The following ZBTB21 variants were observed in gnomAD, a reference collection of about 807,000 sequenced individuals.
ZBTB21 encodes the protein zinc finger and BTB domain-containing protein 21.
ZBTB21 carries 10 observed loss-of-function variants against 39.8 expected under a neutral mutation model. The ratio of observed to expected loss-of-function variants is 0.25; its 90% CI spans 0.16 to 0.43. The LOEUF (loss-of-function observed/expected upper bound fraction) is 0.43. ZBTB21 is among the 20% of genes least tolerant of loss of function. The pLI, the probability that ZBTB21 is intolerant of heterozygous loss-of-function variation, is 1.00. For missense variants in ZBTB21, 1,221 were observed against 1,296.3 expected, an observed-to-expected ratio of 0.94 and a Z score of 0.89; for synonymous variants, 551 against 498.8, an observed-to-expected ratio of 1.10 and a Z score of -1.40.
chr21:41,993,585 T>C lies in ZBTB21; in HGVS notation c.511A>G (p.Ser171Gly). Reference sequence around the variant, plus strand: ...CTAGGAGAGGGCCGGGAAGTATGGCTTACATCGGGTTGATTTTGACTAACA... The same window carrying C: ...CTAGGAGAGGGCCGGGAAGTATGGCCTACATCGGGTTGATTTTGACTAACA... ...KTVSQNQPDV[S>G]HTSRPSPSIA... Residue 171 changes from serine (S) to glycine (G), a missense_variant, in exon 3 of 3, where the codon AGC becomes GGC. This residue lies in a region of ZBTB21 where 500 missense variants were observed against 465.6 expected (regional missense o/e 1.07). Coordinates refer to ENST00000310826, the MANE Select transcript of ZBTB21 (RefSeq NM_001098402.2). 6.2e-7 allele frequency: 1 copy of C among 1,614,262 alleles called. No individual in the cohort carries two copies. Among genetic ancestry groups the C allele is most frequent in the South Asian group, 1.1e-5 (1 of 91,088 alleles).
rs576702708 is a variant in ZBTB21, at chr21:41,993,515, G to A, written c.581C>T (p.Pro194Leu). The change falls in exon 3 of 3, where the codon CCA (proline) becomes CTA (leucine). Residue 194 changes from proline (P) to leucine (L), a missense_variant. Around this residue, in one of 4 missense-constraint regions of ZBTB21, gnomAD observed 500 missense variants for 465.6 expected, o/e 1.07. Transcript: ENST00000310826. ...ANTNKPHVPK[P>L]IEPLHNLSLT... ...TGACAAATTATGAAGTGGTTCTATT[G>A]GTTTTGGGACATGTGGCTTATTGGT... 1.2e-6 allele frequency: 2 copies of A among 1,614,202 alleles called. No individual in the cohort carries two copies. The highest frequency in any genetic ancestry group is 2.2e-5 in the East Asian group (1 of 44,886).
At chr21:42,001,500 G>C (rs770822578) in intron 2 of ZBTB21, among the ~76,000 whole-genome samples, 6 of 152,222 alleles carry the variant, frequency 3.9e-5, no homozygotes, top group Non-Finnish European at 7.3e-5. Flanking sequence ...CCAGTATGCT[G>C]AGCAGCAGAC....
At chr21:41,994,537 T>A (rs1005860323) in intron 2 of ZBTB21, among the ~76,000 whole-genome samples, 1 of 152,234 alleles carries the variant, frequency 6.6e-6, no homozygotes, top group African/African-American at 2.4e-5. Flanking sequence ...GCTTTATTAC[T>A]ACATATACTT....
At position 41,993,564 on chromosome 21, in the gene ZBTB21, G is replaced by C. The variant is rs145945008; in HGVS notation, c.532C>G (p.Pro178Ala). 6.2e-7 allele frequency: 1 copy of C among 1,614,138 alleles called. No homozygotes were observed. Among genetic ancestry groups the C allele is most frequent in the South Asian group, 1.1e-5 (1 of 91,094 alleles). ...GTATTGGCCTTGACTGCAATGCTAG[G>C]AGAGGGCCGGGAAGTATGGCTTACA... Reference protein sequence around the residue: ...PDVSHTSRPSPSIAVKANTNK... With the variant: ...PDVSHTSRPSASIAVKANTNK... Residue 178 changes from proline (P) to alanine (A), a missense_variant, in exon 3 of 3, where the codon CCT (proline) becomes GCT (alanine). Pro to Ala is a conservative substitution (Grantham distance 27). Coordinates refer to ENST00000310826, the MANE Select transcript of ZBTB21 (RefSeq NM_001098402.2).
rs1306711215 is a variant in ZBTB21 at position 41,988,188 on chromosome 21, T to C, written c.*2707A>G. ...TGAGTGATAAAAACATGTTTTATGT[T>C]ACTCCTTCCTTCTCCCACATAAACG... On this transcript the variant is annotated 3_prime_UTR_variant, in exon 3 of 3. Coordinates refer to ENST00000310826, the MANE Select transcript of ZBTB21 (RefSeq NM_001098402.2). The C allele has an allele frequency of 1.8e-5, 2 of 112,512 alleles. No homozygotes were observed. The highest frequency in any genetic ancestry group is 1.9e-4 in the Admixed American group (2 of 10,756). 7.0% of individuals were successfully genotyped at this position (112,512 alleles called of 1,614,324 possible).
At chr21:41,997,890 T>C (rs1443908494) in intron 2 of ZBTB21, among the ~76,000 whole-genome samples, 4 of 152,054 alleles carry the variant, frequency 2.6e-5, no homozygotes, top group Non-Finnish European at 5.9e-5. Flanking sequence ...CTGATTGTCC[T>C]TGGGTGTTTC....
rs2065635346 is a variant in ZBTB21, at chr21:41,990,520, A to G, written c.*375T>C. ...AGATTTAACTAGAACTCAAGTGTCTAAAATAATTAAAAGAAGGAATACTTC... is the reference window on the plus strand; with the variant it reads ...AGATTTAACTAGAACTCAAGTGTCTGAAATAATTAAAAGAAGGAATACTTC... On this transcript the variant is annotated 3_prime_UTR_variant, in exon 3 of 3. Transcript: ENST00000310826. 6.4e-6 allele frequency: 1 copy of G among 155,738 alleles called. No individual in the cohort carries two copies. The highest frequency in any genetic ancestry group is 6.5e-5 in the Admixed American group (1 of 15,386). 9.6% of individuals were successfully genotyped at this position (155,738 alleles called of 1,614,324 possible).
intron 1 of ZBTB21, 62 bp downstream of exon 1, chr21:42,010,190 G>A: frequency 2.5e-6 from 1 of 394,906 alleles, no homozygotes; most frequent in Non-Finnish European, 4.5e-6. Flanking sequence ...TTTGCGGGGA[G>A]GCTGTAGCCT....
rs2065614688 is a variant in ZBTB21, at chr21:41,988,959, G to A, written c.*1936C>T. The A allele has an allele frequency of 6.6e-6, 1 of 152,070 alleles. No individual in the cohort carries two copies. The highest frequency in any genetic ancestry group is 1.5e-5 in the Non-Finnish European group (1 of 67,974). 9.4% of individuals were successfully genotyped at this position (152,070 alleles called of 1,614,324 possible). A position where few individuals can be genotyped will look rare whatever the true frequency, so the allele number is the denominator to read the frequency against. On this transcript the variant is annotated 3_prime_UTR_variant, in exon 3 of 3. Transcript: ENST00000310826. ...CTTCTTTTGAAGTGACAGCTACCAAGATGGACAGAGTAAGAAATACCACAT... is the reference window on the plus strand; with the variant it reads ...CTTCTTTTGAAGTGACAGCTACCAAAATGGACAGAGTAAGAAATACCACAT...
rs149105364 is a variant in ZBTB21 at position 41,993,721 on chromosome 21, G to C, written c.375C>G (p.Pro125=). ...TNIVSKTPQA[P]FPTCPNRKKV... The stretch of plus-strand genomic sequence containing the variant: ...TTTTTCTATTAGGACACGTTGGAAA[G>C]GGGGCTTGAGGTGTTTTAGAAACGA... Residue 125 remains proline (P), a synonymous_variant, in exon 3 of 3, where the codon CCC becomes CCG. Transcript: ENST00000310826. The C allele has an allele frequency of 3.1e-6, 5 of 1,613,918 alleles. No homozygotes were observed. Among genetic ancestry groups the C allele is most frequent in the African/African-American group, 1.3e-5 (1 of 74,908 alleles).
At chr21:41,996,335 C>T (rs987983474) in intron 2 of ZBTB21, among the ~76,000 whole-genome samples, 2 of 152,226 alleles carry the variant, frequency 1.3e-5, no homozygotes, top group African/African-American at 4.8e-5. Context: ...CATGGGAGCC[C>T]ACCTCTTATA....
Position 41,993,336 on chromosome 21 carries a change from C to A in ZBTB21, c.760G>T (p.Asp254Tyr), listed in dbSNP as rs2065697554. Reference sequence around the variant, plus strand: ...AGCTGACCACTCACACCTGGTTTATCATCCATAGCTTCTCTGTCTTGCAGA... The same window carrying A: ...AGCTGACCACTCACACCTGGTTTATAATCCATAGCTTCTCTGTCTTGCAGA... Reference protein sequence around the residue: ...KPLQDREAMDDKPGVSGQLPK... With the variant: ...KPLQDREAMDYKPGVSGQLPK... The change falls in exon 3 of 3, where the codon GAT (aspartate) becomes TAT (tyrosine). Residue 254 changes from aspartate (D) to tyrosine (Y), a missense_variant. Around this residue, in one of 4 missense-constraint regions of ZBTB21, gnomAD observed 500 missense variants for 465.6 expected, o/e 1.07. Transcript: ENST00000310826. The A allele has an allele frequency of 3.1e-6, 5 of 1,613,404 alleles. 1 individual carries two copies. Among genetic ancestry groups the A allele is most frequent in the Admixed American group, 1.7e-5 (1 of 59,922 alleles).
At chr21:42,004,968 A>G (rs1569114815) in intron 1 of ZBTB21, among the ~76,000 whole-genome samples, 2 of 152,230 alleles carry the variant, frequency 1.3e-5, no homozygotes, top group Non-Finnish European at 2.9e-5. Flanking sequence ...AAATATCCTC[A>G]GATTTCAAAC....
intron 1 of ZBTB21, among the ~76,000 whole-genome samples, chr21:42,003,724 T>C (rs1227666415): frequency 6.6e-6 from 1 of 152,230 alleles, no homozygotes; most frequent in Non-Finnish European, 1.5e-5. Context: ...ATCTGAAATC[T>C]GAAACACTTC....
chr21:42,006,606 C>T (rs1268237553), intron 1 of ZBTB21, among the ~76,000 whole-genome samples: 2 of 152,108 alleles, frequency 1.3e-5, no homozygotes, highest in African/African-American at 2.4e-5. Context: ...GAATATTAAT[C>T]ACCTTTCAAA....
chr21:41,991,927 C>A lies in ZBTB21; in HGVS notation c.2169G>T (p.Gln723His). 6.2e-7 allele frequency: 1 copy of A among 1,614,126 alleles called. No homozygotes were observed. The change falls in exon 3 of 3, where the codon CAG (glutamine) becomes CAT (histidine). Residue 723 changes from glutamine to histidine, a missense_variant. Around this residue, in one of 4 missense-constraint regions of ZBTB21, gnomAD observed 523 missense variants for 542.5 expected, o/e 0.96. Transcript: ENST00000310826. The surrounding 1 kb of genome is among the most constrained non-coding windows in gnomAD (Gnocchi z 4.9). ...AGAGCTTAGCATTACAGAGGCGGCA[C>A]TGGTAAACCTCCTTGTTTTCTACTG... ...ASPVENKEVYQCRLCNAKLSS... is the reference protein window; with the variant it reads ...ASPVENKEVYHCRLCNAKLSS...
intron 2 of ZBTB21, among the ~76,000 whole-genome samples, chr21:41,997,757 G>C (rs189833484): frequency 6.6e-6 from 1 of 152,274 alleles, no homozygotes; most frequent in East Asian, 1.9e-4. Context: ...TAATTAAAGA[G>C]TTTAAACTGA....
intron 1 of ZBTB21, among the ~76,000 whole-genome samples, chr21:42,004,934 T>C (rs1459105143): frequency 1.3e-5 from 2 of 152,242 alleles, no homozygotes; most frequent in Admixed American, 1.3e-4. Context: ...TTCGGTCTTA[T>C]CATCACTCAC....
chr21:41,990,846 C>T lies in ZBTB21; in HGVS notation c.*49G>A, dbSNP rs1429169650. 7.2e-7 allele frequency: 1 copy of T among 1,385,326 alleles called. No individual in the cohort carries two copies. Among genetic ancestry groups the T allele is most frequent in the Non-Finnish European group, 9.4e-7 (1 of 1,059,698 alleles). 85.8% of individuals were successfully genotyped at this position (1,385,326 alleles called of 1,614,324 possible). A position where few individuals can be genotyped will look rare whatever the true frequency, so the allele number is the denominator to read the frequency against. On this transcript the variant is annotated 3_prime_UTR_variant, in exon 3 of 3. Transcript: ENST00000310826. ...GTTTCTTATGACACATTTCACAATT[C>T]AGGTTGAAATCTGGGGACTGCCTCC... is the stretch of plus-strand genomic sequence containing the variant.
Sources: allele counts gnomAD v4.1 joint callset (sites outside exome capture counted in the v4.1 genomes callset), GRCh38; gene constraint gnomAD v4.1.1; regional missense constraint gnomAD v4.1.1; non-coding constraint Gnocchi (gnomAD v3.1); transcripts MANE v1.5; gene names NCBI Gene and HGNC (gene_info 2026-07-23, HGNC 2026-07-21).